Variants in TEK observed in about 807,000 individuals in gnomAD.
The protein encoded by TEK is angiopoietin-1 receptor.
In TEK, 43 loss-of-function variants were observed where a neutral mutation model predicts 131.8. That is an observed-to-expected ratio of 0.33 (90% confidence interval 0.26 to 0.42). TEK has a LOEUF of 0.42. Among genes scored for constraint, TEK ranks in the 10% least tolerant of loss-of-function variants. TEK has a pLI of 1.00. For missense variants in TEK, 1,162 were observed against 1,384.4 expected (o/e 0.84, Z 2.55); for synonymous variants, 580 against 491.6 (o/e 1.18, Z -2.38).
At chr9:27,219,964 T>G (rs1825995458) in intron 20 of TEK, 85 bp from the exon 21 acceptor site, 4 of 1,396,858 alleles carry the variant, frequency 2.9e-6, no homozygotes. Flanking sequence ...GTCTTCCTCC[T>G]GGCCCCTTAT....
At position 27,183,495 on chromosome 9, in the gene TEK, C is replaced by T; in HGVS notation, c.1067C>T (p.Pro356Leu). 1 of 1,613,824 alleles carries T rather than the reference C, an allele frequency of 6.2e-7. No individual in the cohort carries two copies. The highest frequency in any genetic ancestry group is 1.3e-5 in the African/African-American group (1 of 74,998). Residue 356 changes from proline to leucine, a missense_variant, in exon 8 of 23, where the codon CCA becomes CTA. Pro to Leu is a moderately conservative substitution (Grantham distance 98). Transcript: ENST00000380036. ...ATGACCCCAAAGATAGTGGATTTGCCAGATCATATAGAAGTAAACAGTGGT... is the reference window on the plus strand; with the variant it reads ...ATGACCCCAAAGATAGTGGATTTGCTAGATCATATAGAAGTAAACAGTGGT... ...QRMTPKIVDLPDHIEVNSGKF... is the reference protein window; with the variant it reads ...QRMTPKIVDLLDHIEVNSGKF...
At chr9:27,136,427 T>C (rs538784319) in intron 1 of TEK, among the ~76,000 whole-genome samples, 37 of 152,278 alleles carry the variant, frequency 2.4e-4, no homozygotes, top group Non-Finnish European at 4.9e-4. Flanking sequence ...GCGGCTTCAA[T>C]TGACTTTACT....
rs111400737 is a variant in TEK at position 27,204,707 on chromosome 9, T to TA, written c.2210-202dup. Among the ~76,000 whole-genome samples, 3,939 of 151,220 alleles carry TA rather than the reference T, an allele frequency of 0.026. 131 individuals carry two copies. The highest frequency in any genetic ancestry group is 0.089 in the African/African-American group (3,673 of 41,126). On this transcript the variant is annotated intron_variant, in intron 13 of 22. Transcript: ENST00000380036. ...CACTTTTGCATGTTTTTTTTTTTTT[T>TA]AATCTTATTACAACCCTGTGAGTCA... is the stretch of plus-strand genomic sequence containing the variant.
intron 2 of TEK, among the ~76,000 whole-genome samples, chr9:27,160,169 T>G (rs1823497337): frequency 6.6e-6 from 1 of 151,920 alleles, no homozygotes; most frequent in Non-Finnish European, 1.5e-5. Flanking sequence ...ACTACAGGCA[T>G]GCACCACCAT....
intron 1 of TEK, among the ~76,000 whole-genome samples, chr9:27,139,039 T>G (rs1249350764): frequency 5.3e-5 from 8 of 151,654 alleles, no homozygotes; most frequent in Non-Finnish European, 1.0e-4. Context: ...GAAATCCATG[T>G]CTACTAAAAA....
intron 7 of TEK, 78 bp downstream of exon 7, chr9:27,180,446 G>A (rs894031385): frequency 3.2e-5 from 50 of 1,550,154 alleles, no homozygotes; most frequent in Middle Eastern, 3.5e-4. Flanking sequence ...TTCTTGTGCC[G>A]GCATTCTAAG....
intron 1 of TEK, among the ~76,000 whole-genome samples, chr9:27,150,785 C>T (rs1417471797): frequency 6.6e-6 from 1 of 152,144 alleles, no homozygotes; most frequent in Non-Finnish European, 1.5e-5. Flanking sequence ...TGTCTGTTCC[C>T]TGGAAATAAA....
rs770072224 is a variant in TEK, at chr9:27,190,597, A to G, written c.1396A>G (p.Ser466Gly). ...TGHNFAVINI[S>G]SEPYFGDGPI... ...ACATAACTTTGCTGTCATCAACATC[A>G]GCTCTGAGCCTTACTTTGGGGATGG... Residue 466 changes from serine (S) to glycine (G), a missense_variant, in exon 10 of 23, where the codon AGC becomes GGC. Coordinates refer to ENST00000380036, the MANE Select transcript of TEK (RefSeq NM_000459.5). 1 of 1,614,068 alleles carries G rather than the reference A, an allele frequency of 6.2e-7. No homozygotes were observed. The highest frequency in any genetic ancestry group is 8.5e-7 in the Non-Finnish European group (1 of 1,179,940).
Position 27,228,261 on chromosome 9 carries a change from G to GCCC in TEK, c.3257_3259dup (p.Ala1086_Gln1087insPro), listed in dbSNP as rs1411972887. On this transcript the variant is annotated inframe_insertion, in exon 22 of 23. Coordinates refer to ENST00000380036, the MANE Select transcript of TEK (RefSeq NM_000459.5). ...GAAGCCTTATGAGAGGCCATCATTT[G>GCCC]CCCAGATATTGGTGTCCTTAAACAG... 6.2e-7 allele frequency: 1 copy of GCCC among 1,613,066 alleles called. No homozygotes were observed. Among genetic ancestry groups the GCCC allele is most frequent in the Non-Finnish European group, 8.5e-7 (1 of 1,179,296 alleles).
At chr9:27,121,741 G>T (rs145185471) in intron 1 of TEK, among the ~76,000 whole-genome samples, 1 of 152,204 alleles carries the variant, frequency 6.6e-6, no homozygotes, top group Non-Finnish European at 1.5e-5. Flanking sequence ...GTGATATGTA[G>T]ACTCAGTAAG....
intron 21 of TEK, among the ~76,000 whole-genome samples, chr9:27,222,923 CA>C (rs1412261417): frequency 1.3e-5 from 2 of 151,986 alleles, no homozygotes; most frequent in South Asian, 2.1e-4. Context: ...GGGACAGAGG[CA>C]TATTTACCAA....
chr9:27,192,459 T>C (rs551305622), intron 10 of TEK, 30 bp from the exon 11 acceptor site: 22 of 1,613,418 alleles, frequency 1.4e-5, no homozygotes, highest in Non-Finnish European at 1.8e-5. Context: ...GAATGCCAAC[T>C]TAAGTTTCCT....
intron 6 of TEK, among the ~76,000 whole-genome samples, chr9:27,178,048 A>G (rs963970830): frequency 6.6e-6 from 1 of 152,152 alleles, no homozygotes; most frequent in African/African-American, 2.4e-5. Flanking sequence ...CCGGATCAGT[A>G]TCAAGAAGCT....
chr9:27,190,465 A>G, intron 9 of TEK, 64 bp from the exon 10 acceptor site: 2 of 1,596,934 alleles, frequency 1.3e-6, no homozygotes, highest in Non-Finnish European at 1.7e-6. Context: ...TTCTACCTCT[A>G]CCTAAGAACA....
intron 2 of TEK, among the ~76,000 whole-genome samples, chr9:27,162,249 A>G (rs1212733761): frequency 1.3e-5 from 2 of 152,230 alleles, no homozygotes; most frequent in African/African-American, 4.8e-5. Flanking sequence ...GCAGGATAAA[A>G]TAAACATCAA....
At position 27,158,055 on chromosome 9, in the gene TEK, G is replaced by T. The variant is rs1364627600; in HGVS notation, c.277G>T (p.Ala93Ser). The change falls in exon 2 of 23, where the codon GCT (alanine) becomes TCT (serine). Residue 93 changes from alanine (A) to serine (S), a missense_variant. By Grantham distance (99) the Ala-to-Ser change is moderately conservative. This residue lies in a region of TEK where 436 missense variants were observed against 539.1 expected (regional missense o/e 0.81). Transcript: ENST00000380036. ...AAAAGTTGTTTGGAAGAGAGAAAAG[G>T]CTAGTAAGATCAATGGTGCTTATTT... The part of the protein sequence containing the change: ...AKKVVWKREK[A>S]SKINGAYFCE... 5.6e-6 allele frequency: 9 copies of T among 1,614,116 alleles called. No homozygotes were observed. Among genetic ancestry groups the T allele is most frequent in the Non-Finnish European group, 7.6e-6 (9 of 1,180,024 alleles).
At chr9:27,167,861 GT>G (rs35339701) in intron 2 of TEK, among the ~76,000 whole-genome samples, 16 of 150,302 alleles carry the variant, frequency 1.1e-4, no homozygotes, top group African/African-American at 3.4e-4. Flanking sequence ...TTTCATTCAT[GT>G]TTTTTTTTTC....
At chr9:27,130,902 T>C (rs1484074242) in intron 1 of TEK, among the ~76,000 whole-genome samples, 1 of 151,452 alleles carries the variant, frequency 6.6e-6, no homozygotes, top group East Asian at 1.9e-4. Flanking sequence ...CAAAACCTCA[T>C]TGAAAGTGAT....
In TEK at chr9:27,209,128, C is replaced by G. The variant is rs777260582; in HGVS notation, c.2583C>G (p.Ala861=). The change falls in exon 16 of 23, where the codon GCC becomes GCG. Residue 861 remains alanine, a synonymous_variant. Transcript: ENST00000380036. ...DAAIKRMKEY[A]SKDDHRDFAG... is the part of the protein sequence containing the mutation. ...CCTTGACTTTCTTCCCAGAATATGC[C>G]TCCAAAGATGATCACAGGGACTTTG... 4.3e-5 allele frequency: 70 copies of G among 1,612,610 alleles called. No homozygotes were observed. The highest frequency in any genetic ancestry group is 5.9e-5 in the Non-Finnish European group (69 of 1,178,810).
Sources: gnomAD v4.1 joint callset for allele counts (sites outside exome capture counted in the v4.1 genomes callset) on GRCh38, gnomAD v4.1.1 for gene constraint, gnomAD v4.1.1 regional missense constraint, MANE v1.5 for transcripts, NCBI Gene and HGNC (gene_info 2026-07-23, HGNC 2026-07-21) for gene names.